NRG1: variants seen among roughly 807,000 people sequenced by gnomAD.
The protein encoded by NRG1 is pro-neuregulin-1, membrane-bound isoform.
A neutral mutation model predicts 63.8 loss-of-function variants in NRG1; 18 were observed. The ratio of observed to expected loss-of-function variants is 0.28; its 90% confidence interval spans 0.19 to 0.42. The LOEUF is 0.42. Among genes scored for constraint, NRG1 ranks in the 10% least tolerant of loss-of-function variants. NRG1 has a pLI of 1.00. For synonymous variants in NRG1, 302 were observed against 301.3 expected (o/e 1.00, Z -0.02); for missense variants, 762 against 814.7 (o/e 0.94, Z 0.79).
intron 1 of NRG1, among the ~76,000 whole-genome samples, chr8:31,663,246 A>G (rs1482998569): frequency 1.3e-5 from 2 of 152,178 alleles, no homozygotes; most frequent in South Asian, 2.1e-4. Flanking sequence ...AACTTTGTAT[A>G]CCCAAGCACT....
At chr8:31,957,195 T>C (rs1804590379) in intron 1 of NRG1, among the ~76,000 whole-genome samples, 1 of 151,422 alleles carries the variant, frequency 6.6e-6, no homozygotes, top group Non-Finnish European at 1.5e-5. Flanking sequence ...AAAGAGTTTT[T>C]TTTTTTTTCT....
intron 1 of NRG1, among the ~76,000 whole-genome samples, chr8:31,918,110 A>G (rs1375556917): frequency 1.5e-4 from 23 of 152,198 alleles, no homozygotes; most frequent in African/African-American, 2.4e-4. Context: ...GGGCTGAGAC[A>G]GTGGGGTTTT....
chr8:32,023,598 A>G (rs1816786064), intron 1 of NRG1, among the ~76,000 whole-genome samples: 1 of 152,202 alleles, frequency 6.6e-6, no homozygotes, highest in Admixed American at 6.5e-5. Flanking sequence ...AATCAGAAGC[A>G]GCTCCAGTCC....
intron 1 of NRG1, among the ~76,000 whole-genome samples, chr8:32,092,461 C>CAAAAAAAAAAAAAAAAAA (rs71208167): frequency 2.4e-5 from 2 of 83,692 alleles, no homozygotes; most frequent in African/African-American, 4.9e-5. Context: ...GACCCTGTCT[C>CAAAAAAAAAAAAAAAAAA]AAAAAAAAAA....
At chr8:32,199,083 T>A (rs938462738) in intron 1 of NRG1, among the ~76,000 whole-genome samples, 18 of 152,162 alleles carry the variant, frequency 1.2e-4, no homozygotes, top group African/African-American at 4.3e-4. Flanking sequence ...TTTCTGGAGT[T>A]GATAATTGCT....
chr8:32,773,439 A>G (rs1323960688), intron 7 of NRG1, among the ~76,000 whole-genome samples: 1 of 152,154 alleles, frequency 6.6e-6, no homozygotes, highest in East Asian at 1.9e-4. Context: ...GTCAGTTACC[A>G]AGCAAAGGAG....
intron 1 of NRG1, among the ~76,000 whole-genome samples, chr8:32,406,018 G>A (rs1813926296): frequency 6.6e-6 from 1 of 152,068 alleles, no homozygotes; most frequent in Admixed American, 6.6e-5. Context: ...CCGCAGCCAG[G>A]GCAATTGGGC....
chr8:32,207,723 G>A (rs2132350248), intron 1 of NRG1, among the ~76,000 whole-genome samples: 1 of 152,276 alleles, frequency 6.6e-6, no homozygotes, highest in East Asian at 1.9e-4. Context: ...AAAAAAGAAA[G>A]CCAGAGTTAA....
intron 1 of NRG1, among the ~76,000 whole-genome samples, chr8:31,934,420 C>CTT (rs1554580265): frequency 0.018 from 1,971 of 107,908 alleles, 186 homozygotes; most frequent in South Asian, 0.064. Context: ...TATTCGCTCT[C>CTT]TTTTTTTTTT....
chr8:32,169,936 A>G (rs1464004364), intron 1 of NRG1, among the ~76,000 whole-genome samples: 1 of 152,218 alleles, frequency 6.6e-6, no homozygotes, highest in Non-Finnish European at 1.5e-5. Context: ...TAGGTCCTTA[A>G]TCCAATACAA....
chr8:32,387,610 A>G (rs1327190229), intron 1 of NRG1, among the ~76,000 whole-genome samples: 1 of 152,136 alleles, frequency 6.6e-6, no homozygotes, highest in Admixed American at 6.6e-5. Flanking sequence ...ATATTTACCT[A>G]CTTGTCCTCT....
intron 1 of NRG1, among the ~76,000 whole-genome samples, chr8:32,157,358 CAAA>C (rs11434397): frequency 5.1e-5 from 3 of 58,614 alleles, no homozygotes; most frequent in Non-Finnish European, 1.0e-4. Flanking sequence ...GACTCTGTCT[CAAA>C]AAAAAAAAAA....
At chr8:32,414,670 G>A (rs533039633) in intron 1 of NRG1, among the ~76,000 whole-genome samples, 2 of 152,238 alleles carry the variant, frequency 1.3e-5, no homozygotes, top group East Asian at 1.9e-4. Flanking sequence ...CCCTGTAGCA[G>A]GAGAGTAGTG....
At chr8:32,236,778 C>T (rs1320213354) in intron 1 of NRG1, among the ~76,000 whole-genome samples, 1 of 152,174 alleles carries the variant, frequency 6.6e-6, no homozygotes, top group Non-Finnish European at 1.5e-5. Context: ...ATGTGGGAAT[C>T]ACAGTTAACC....
At chr8:31,907,201 A>T (rs1343094045) in intron 1 of NRG1, among the ~76,000 whole-genome samples, 1 of 143,712 alleles carries the variant, frequency 7.0e-6, no homozygotes, top group Non-Finnish European at 1.5e-5. Context: ...ATGACAGTGA[A>T]AGAATATGAT....
chr8:31,672,499 G>A (rs146171497), intron 1 of NRG1, among the ~76,000 whole-genome samples: 1 of 152,116 alleles, frequency 6.6e-6, no homozygotes, highest in African/African-American at 2.4e-5. Context: ...TGAGGTTCTT[G>A]AACAAGAGCT....
intron 1 of NRG1, among the ~76,000 whole-genome samples, chr8:32,381,743 A>G (rs544868810): frequency 2.0e-5 from 3 of 152,314 alleles, no homozygotes; most frequent in Admixed American, 6.5e-5. Context: ...AGTAAAAAAT[A>G]ATCAAGAAAA....
chr8:32,044,217 AAATAAT>A (rs1820563207), intron 1 of NRG1, among the ~76,000 whole-genome samples: 1 of 151,948 alleles, frequency 6.6e-6, no homozygotes, highest in South Asian at 2.1e-4. Flanking sequence ...AGATGACATT[AAATAAT>A]AATAAAAAGA....
chr8:32,350,583 G>A (rs1021587684), intron 1 of NRG1, among the ~76,000 whole-genome samples: 8 of 152,078 alleles, frequency 5.3e-5, no homozygotes, highest in African/African-American at 1.9e-4. Flanking sequence ...TGGCAAATAG[G>A]AGGTCCTCGT....
Sources: allele counts gnomAD v4.1 joint callset (sites outside exome capture counted in the v4.1 genomes callset), GRCh38; gene constraint gnomAD v4.1.1; transcripts MANE v1.5; gene names NCBI Gene and HGNC (gene_info 2026-07-23, HGNC 2026-07-21).